Variants in ZFHX3 observed in about 807,000 individuals in gnomAD.
ZFHX3 encodes zinc finger homeobox 3.
In ZFHX3, 42 loss-of-function variants were observed where a neutral mutation model predicts 279.1. The observed-to-expected ratio is 0.15, with a 90% CI of 0.12 to 0.19. The LOEUF is 0.19. ZFHX3 is among the 10% of genes least tolerant of loss of function. The pLI is 1.00. For missense variants in ZFHX3, 4,981 were observed against 4,754.0 expected (o/e 1.05, Z -1.40); for synonymous variants, 2,293 against 1,957.8 (o/e 1.17, Z -4.52).
intron 1 of ZFHX3, among the ~76,000 whole-genome samples, chr16:73,796,079 T>C (rs1317400388): frequency 2.0e-5 from 3 of 152,178 alleles, no homozygotes; most frequent in Non-Finnish European, 4.4e-5. Flanking sequence ...AGTAGAAAAA[T>C]GTGTTATATA....
At chr16:73,168,279 C>CTTTCTTTCTTTCTTTCTTTT (rs1555502322) in intron 5 of ZFHX3, among the ~76,000 whole-genome samples, 76 of 143,744 alleles carry the variant, frequency 5.3e-4, no homozygotes, top group African/African-American at 1.9e-3. Context: ...TTCTTTCTTT[C>CTTTCTTTCTTTCTTTCTTTT]GAGACAAAGT....
chr16:73,212,789 G>A (rs1271093851), intron 5 of ZFHX3, among the ~76,000 whole-genome samples: 1 of 152,174 alleles, frequency 6.6e-6, no homozygotes, highest in Non-Finnish European at 1.5e-5. Context: ...TCTGCAGCCA[G>A]CCCAGCAGAC....
At chr16:73,732,352 C>G (rs1019068779) in intron 1 of ZFHX3, among the ~76,000 whole-genome samples, 1 of 152,204 alleles carries the variant, frequency 6.6e-6, no homozygotes, top group African/African-American at 2.4e-5. Context: ...AGAGAAGGAT[C>G]AGAGTTCAGC....
At chr16:73,150,971 G>T (rs1966926658) in intron 5 of ZFHX3, among the ~76,000 whole-genome samples, 1 of 152,050 alleles carries the variant, frequency 6.6e-6, no homozygotes, top group Non-Finnish European at 1.5e-5. Flanking sequence ...AAACAAAACA[G>T]GAAGTCTTAC....
intron 1 of ZFHX3, among the ~76,000 whole-genome samples, chr16:73,803,657 G>A (rs545856690): frequency 1.3e-5 from 2 of 152,260 alleles, no homozygotes; most frequent in East Asian, 3.9e-4. Flanking sequence ...AGGCAAATGG[G>A]TGTCTATATT....
rs906499244 is a variant in ZFHX3 at position 72,787,650 on chromosome 16, T to G, written c.10626A>C (p.Glu3542Asp). Residue 3542 changes from glutamate to aspartate, a missense_variant, in exon 10 of 10, where the codon GAA becomes GAC. Physicochemically the swap from Glu to Asp is conservative, Grantham distance 45. Coordinates refer to ENST00000268489, the MANE Select transcript of ZFHX3 (RefSeq NM_006885.4). ...CCGACTCGAGATGTTGACTCAGAGC[T>G]TCCTCCCCACAGAGCGCGCTCTCGC... ...LACESALCGEEALSQHLESAL... is the reference protein window; with the variant it reads ...LACESALCGEDALSQHLESAL... The G allele has an allele frequency of 6.2e-7, 1 of 1,608,358 alleles. No individual in the cohort carries two copies. Among genetic ancestry groups the G allele is most frequent in the Non-Finnish European group, 8.5e-7 (1 of 1,177,076 alleles).
intron 5 of ZFHX3, among the ~76,000 whole-genome samples, chr16:73,211,092 C>G (rs1017957511): frequency 3.9e-5 from 6 of 152,150 alleles, no homozygotes; most frequent in African/African-American, 1.4e-4. Context: ...AAGTCCACAT[C>G]AGGACAATGT....
intron 8 of ZFHX3, among the ~76,000 whole-genome samples, chr16:73,089,928 T>C (rs1409127729): frequency 2.6e-5 from 4 of 152,166 alleles, no homozygotes; most frequent in Non-Finnish European, 5.9e-5. Context: ...CCAGTCTTGA[T>C]TGCTTCCCAG....
intron 1 of ZFHX3, among the ~76,000 whole-genome samples, chr16:73,761,531 T>C (rs1223758322): frequency 6.6e-6 from 1 of 152,038 alleles, no homozygotes; most frequent in Non-Finnish European, 1.5e-5. Flanking sequence ...GCCAAGACAA[T>C]CTTAAGCAAA....
At chr16:72,839,130 T>C (rs2037278227) in intron 4 of ZFHX3, among the ~76,000 whole-genome samples, 1 of 152,164 alleles carries the variant, frequency 6.6e-6, no homozygotes, top group Non-Finnish European at 1.5e-5. Context: ...CGAGCATGTC[T>C]GTAGCAGAGC....
At chr16:73,112,433 C>G (rs1347307722) in intron 7 of ZFHX3, among the ~76,000 whole-genome samples, 2 of 152,022 alleles carry the variant, frequency 1.3e-5, no homozygotes, top group African/African-American at 2.4e-5. Flanking sequence ...TTTAAAAAGG[C>G]CGAACCCAGT....
At chr16:72,995,304 C>A (rs1019742165) in intron 1 of ZFHX3, among the ~76,000 whole-genome samples, 17 of 152,164 alleles carry the variant, frequency 1.1e-4, no homozygotes, top group Admixed American at 9.8e-4. Context: ...TCGCCCGTGC[C>A]TCTCCAATCT....
intron 4 of ZFHX3, among the ~76,000 whole-genome samples, chr16:73,313,097 G>A (rs1019709295): frequency 1.3e-5 from 2 of 152,134 alleles, no homozygotes; most frequent in African/African-American, 2.4e-5. Flanking sequence ...TCATGATAGC[G>A]AGTTGTCCCG....
intron 5 of ZFHX3, among the ~76,000 whole-genome samples, chr16:73,182,191 T>C (rs146054542): frequency 3.3e-5 from 5 of 152,210 alleles, no homozygotes; most frequent in Non-Finnish European, 5.9e-5. Context: ...GTGAGGTGGC[T>C]CACGCCTGTA....
At chr16:73,488,254 G>A (rs2019006261) in intron 2 of ZFHX3, among the ~76,000 whole-genome samples, 1 of 152,190 alleles carries the variant, frequency 6.6e-6, no homozygotes, top group African/African-American at 2.4e-5. Context: ...TGGCTGATCA[G>A]AAGTGTTGCA....
At chr16:73,588,248 C>T (rs1024283857) in intron 2 of ZFHX3, among the ~76,000 whole-genome samples, 1 of 151,994 alleles carries the variant, frequency 6.6e-6, no homozygotes, top group African/African-American at 2.4e-5. Flanking sequence ...TTAAAGAATG[C>T]AGATAAAGAA....
At chr16:73,640,853 C>G (rs936769539) in intron 2 of ZFHX3, among the ~76,000 whole-genome samples, 1 of 152,018 alleles carries the variant, frequency 6.6e-6, no homozygotes, top group African/African-American at 2.4e-5. Context: ...AACCAGGTAC[C>G]CAGCTCAGTG....
At chr16:72,802,883 TC>T (rs1287930951) in intron 7 of ZFHX3, among the ~76,000 whole-genome samples, 6 of 152,184 alleles carry the variant, frequency 3.9e-5, no homozygotes, top group Non-Finnish European at 5.9e-5. Context: ...GTCCTTCTGC[TC>T]ACTGAGGTGA....
intron 1 of ZFHX3, among the ~76,000 whole-genome samples, chr16:73,046,079 G>A (rs1284909430): frequency 6.6e-6 from 1 of 152,180 alleles, no homozygotes; most frequent in Non-Finnish European, 1.5e-5. Context: ...TTAGCAAAGG[G>A]AGAGAGAAAA....
Sources: gnomAD v4.1 joint callset for allele counts (sites outside exome capture counted in the v4.1 genomes callset) on GRCh38, gnomAD v4.1.1 for gene constraint, MANE v1.5 for transcripts, NCBI Gene and HGNC (gene_info 2026-07-23, HGNC 2026-07-21) for gene names.